PTPRG: variants seen among roughly 807,000 people sequenced by gnomAD.
The protein encoded by PTPRG is receptor-type tyrosine-protein phosphatase gamma.
PTPRG carries 102 observed loss-of-function variants against 165.3 expected under a neutral mutation model. That is an observed-to-expected ratio of 0.62 (90% CI 0.53 to 0.73). The LOEUF is 0.73. Ranked by LOEUF, PTPRG falls within the 30% of genes least tolerant of loss-of-function variation. The probability of loss-of-function intolerance (pLI) is 0.00; values close to 1 mark genes in which losing one functional copy is unlikely to be tolerated. For synonymous variants in PTPRG, 675 were observed against 669.5 expected (o/e 1.01, Z -0.13); for missense variants, 1,866 against 1,861.4 (o/e 1.00, Z -0.05).
At chr3:62,250,637 C>T (rs1701389578) in intron 15 of PTPRG, among the ~76,000 whole-genome samples, 1 of 152,140 alleles carries the variant, frequency 6.6e-6, no homozygotes, top group Non-Finnish European at 1.5e-5. Context: ...TCTGAAGATG[C>T]AAGTACGGCC....
At chr3:61,765,751 A>T (rs758816044) in intron 2 of PTPRG, among the ~76,000 whole-genome samples, 12 of 152,248 alleles carry the variant, frequency 7.9e-5, no homozygotes, top group Non-Finnish European at 1.0e-4. Context: ...ATGGCCACAG[A>T]TATCTTCCAG....
chr3:61,804,455 A>G (rs1333214880), intron 2 of PTPRG, among the ~76,000 whole-genome samples: 1 of 152,184 alleles, frequency 6.6e-6, no homozygotes, highest in Non-Finnish European at 1.5e-5. Context: ...GTTTGCTTTT[A>G]TATCCCCAAA....
At chr3:61,727,046 CAAAAAA>C (rs35873334) in intron 1 of PTPRG, among the ~76,000 whole-genome samples, 1 of 105,828 alleles carries the variant, frequency 9.4e-6, no homozygotes. Flanking sequence ...GACTCCGTCT[CAAAAAA>C]AAAAAAAAAA....
At chr3:61,876,632 G>A (rs1318228813) in intron 2 of PTPRG, among the ~76,000 whole-genome samples, 2 of 152,120 alleles carry the variant, frequency 1.3e-5, no homozygotes, top group Non-Finnish European at 2.9e-5. Context: ...TTCCGGGCTG[G>A]GCGTGGTGGC....
At chr3:62,024,826 GT>G (rs1362867832) in intron 4 of PTPRG, among the ~76,000 whole-genome samples, 1 of 152,140 alleles carries the variant, frequency 6.6e-6, no homozygotes, top group African/African-American at 2.4e-5. Context: ...TAGTGCTTGG[GT>G]TTAGGGACAT....
At chr3:62,061,805 T>C (rs147736895) in intron 4 of PTPRG, among the ~76,000 whole-genome samples, 1 of 151,622 alleles carries the variant, frequency 6.6e-6, no homozygotes, top group Admixed American at 6.6e-5. Flanking sequence ...AATTTTTGTA[T>C]TTTTAGTAGA....
rs553067223 is a variant in PTPRG, at chr3:61,913,567, T to C, written c.191-76058T>C. On this transcript the variant is annotated intron_variant, in intron 2 of 29. Transcript: ENST00000474889. The stretch of plus-strand genomic sequence containing the variant: ...TACAGATGCACTCTACGAGTGCATA[T>C]GTATGTGTATGCACTCATATGGATG... Among the ~76,000 whole-genome samples the C allele has an allele frequency of 3.9e-5, 6 of 152,304 alleles. No individual in the cohort carries two copies. In the East Asian group the frequency reaches 1.2e-3, roughly 29 times the overall value.
intron 6 of PTPRG, among the ~76,000 whole-genome samples, chr3:62,147,351 C>T (rs1704158716): frequency 6.6e-6 from 1 of 152,184 alleles, no homozygotes; most frequent in African/African-American, 2.4e-5. Context: ...GCCCTATGCA[C>T]ATCCTTTACT....
intron 4 of PTPRG, among the ~76,000 whole-genome samples, chr3:62,005,761 C>T (rs1420795339): frequency 1.6e-5 from 2 of 121,942 alleles, no homozygotes; most frequent in East Asian, 2.6e-4. Flanking sequence ...AATGTAGTGG[C>T]GCATGATATC....
intron 2 of PTPRG, among the ~76,000 whole-genome samples, chr3:61,937,887 G>C (rs933200125): frequency 6.6e-6 from 1 of 150,954 alleles, no homozygotes; most frequent in African/African-American, 2.4e-5. Flanking sequence ...CTGCCAAGAA[G>C]CTTTTAAGCT....
rs982148267 is a variant in PTPRG, at chr3:62,071,413, T to A, written c.520-6750T>A. On this transcript the variant is annotated intron_variant, in intron 4 of 29. Coordinates refer to ENST00000474889, the MANE Select transcript of PTPRG (RefSeq NM_002841.4). ...TGACTTAGGCACACAACTATAATAG[T>A]AGGCACACAACACACCTTCTGGGAA... 3.3e-5 allele frequency among the ~76,000 whole-genome samples: 5 copies of A among 152,302 alleles called. No individual in the cohort carries two copies. The East Asian group carries it at 9.6e-4, about 29-fold the overall frequency.
intron 1 of PTPRG, among the ~76,000 whole-genome samples, chr3:61,744,626 T>G (rs953894960): frequency 2.0e-5 from 3 of 152,196 alleles, no homozygotes; most frequent in Non-Finnish European, 2.9e-5. Flanking sequence ...TGTGGCACAT[T>G]ACTTGATTAT....
chr3:62,276,955 T>G lies in PTPRG; in HGVS notation c.3560-17T>G. ...TAATAAGGCAAATGTGGTGTTTTTGTTTTTTCCATATGATAGCTGAGCGTG... is the reference window on the plus strand; with the variant it reads ...TAATAAGGCAAATGTGGTGTTTTTGGTTTTTCCATATGATAGCTGAGCGTG... On this transcript the variant is annotated splice_polypyrimidine_tract_variant and intron_variant, in intron 24 of 29. Transcript: ENST00000474889. 1 of 1,610,848 alleles carries G rather than the reference T, an allele frequency of 6.2e-7. No homozygotes were observed. The highest frequency in any genetic ancestry group is 8.5e-7 in the Non-Finnish European group (1 of 1,177,886).
intron 1 of PTPRG, among the ~76,000 whole-genome samples, chr3:61,709,976 TG>T (rs1227906642): frequency 6.6e-6 from 1 of 152,174 alleles, no homozygotes; most frequent in Non-Finnish European, 1.5e-5. Context: ...CTGCTGTTCC[TG>T]GGACCACACT....
At chr3:62,139,241 G>C (rs1703832150) in intron 6 of PTPRG, among the ~76,000 whole-genome samples, 1 of 152,078 alleles carries the variant, frequency 6.6e-6, no homozygotes. Context: ...GAGGTGGGTG[G>C]ATCACCTGAG....
chr3:62,199,072 T>C (rs1202235495), intron 10 of PTPRG, among the ~76,000 whole-genome samples: 1 of 152,178 alleles, frequency 6.6e-6, no homozygotes, highest in East Asian at 1.9e-4. Flanking sequence ...GCTGTTCAGT[T>C]TGTTGGCATT....
intron 2 of PTPRG, among the ~76,000 whole-genome samples, chr3:61,981,052 A>G (rs1198534572): frequency 6.6e-6 from 1 of 152,230 alleles, no homozygotes; most frequent in African/African-American, 2.4e-5. Context: ...CAATTGACTC[A>G]TAGTTCCACA....
Position 61,832,447 on chromosome 3 carries a change from G to C in PTPRG, c.190+83465G>C, listed in dbSNP as rs555332275. On this transcript the variant is annotated intron_variant, in intron 2 of 29. Coordinates refer to ENST00000474889, the MANE Select transcript of PTPRG (RefSeq NM_002841.4). Reference sequence around the variant, plus strand: ...AGCATAGAGAGTGGGTAAGCATCTGGGGCAGGGTCATACAACTGGGAAGAA... The same window carrying C: ...AGCATAGAGAGTGGGTAAGCATCTGCGGCAGGGTCATACAACTGGGAAGAA... Among the ~76,000 whole-genome samples, 4 of 152,260 alleles carry C rather than the reference G, an allele frequency of 2.6e-5. No homozygotes were observed. The East Asian group carries it at 5.8e-4, about 22-fold the overall frequency.
intron 2 of PTPRG, among the ~76,000 whole-genome samples, chr3:61,786,688 A>G (rs1335590582): frequency 1.3e-5 from 2 of 152,158 alleles, no homozygotes; most frequent in East Asian, 3.8e-4. Flanking sequence ...CTATTTTTAT[A>G]CTTATGTCTC....
Sources: allele counts gnomAD v4.1 joint callset (sites outside exome capture counted in the v4.1 genomes callset), GRCh38; gene constraint gnomAD v4.1.1; transcripts MANE v1.5; gene names NCBI Gene and HGNC (gene_info 2026-07-23, HGNC 2026-07-21).